The following DOCK3 variants were observed in gnomAD, a reference collection of about 807,000 sequenced individuals.
The protein encoded by DOCK3 is dedicator of cytokinesis protein 3.
DOCK3 carries 60 observed loss-of-function variants against 265.6 expected under a neutral mutation model. The observed-to-expected ratio is 0.23, with a 90% CI of 0.18 to 0.28. The LOEUF (loss-of-function observed/expected upper bound fraction) is 0.28. Among genes scored for constraint, DOCK3 ranks in the 10% least tolerant of loss-of-function variants. The probability of loss-of-function intolerance (pLI) is 1.00; values close to 1 mark genes in which losing one functional copy is unlikely to be tolerated. For missense variants in DOCK3, 1,981 were observed against 2,594.3 expected (o/e 0.76, Z 5.14); for synonymous variants, 881 against 938.0 (o/e 0.94, Z 1.11).
At chr3:50,684,177 A>T (rs1208354561) in intron 1 of DOCK3, among the ~76,000 whole-genome samples, 1 of 152,006 alleles carries the variant, frequency 6.6e-6, no homozygotes, top group Non-Finnish European at 1.5e-5. Flanking sequence ...ATAAATAAGC[A>T]TTGCTGCTTC....
chr3:51,068,984 A>T (rs1472735292), intron 6 of DOCK3, among the ~76,000 whole-genome samples: 1 of 152,146 alleles, frequency 6.6e-6, no homozygotes, highest in Non-Finnish European at 1.5e-5. Flanking sequence ...GTTTCCTGAG[A>T]TTAGGAATTA....
chr3:51,299,172 T>C (rs1259868084), intron 27 of DOCK3, among the ~76,000 whole-genome samples: 1 of 152,238 alleles, frequency 6.6e-6, no homozygotes, highest in East Asian at 1.9e-4. Flanking sequence ...TAATGATCAG[T>C]GATGTTCAGC....
intron 4 of DOCK3, among the ~76,000 whole-genome samples, chr3:50,918,094 C>T (rs1418499491): frequency 6.6e-6 from 1 of 152,002 alleles, no homozygotes; most frequent in Non-Finnish European, 1.5e-5. Context: ...TGAACTCATC[C>T]TTTTTTATGG....
At chr3:51,107,760 G>T (rs1030221513) in intron 9 of DOCK3, among the ~76,000 whole-genome samples, 1 of 152,174 alleles carries the variant, frequency 6.6e-6, no homozygotes, top group African/African-American at 2.4e-5. Context: ...CTTGGAAAAC[G>T]TATTTCATTA....
At chr3:51,223,298 T>C (rs1300674809) in intron 14 of DOCK3, among the ~76,000 whole-genome samples, 1 of 152,144 alleles carries the variant, frequency 6.6e-6, no homozygotes, top group Non-Finnish European at 1.5e-5. Flanking sequence ...TTGAAAATGT[T>C]TCATTTGAAG....
At chr3:51,036,977 C>T (rs1036064880) in intron 5 of DOCK3, among the ~76,000 whole-genome samples, 6 of 152,176 alleles carry the variant, frequency 3.9e-5, no homozygotes, top group Non-Finnish European at 5.9e-5. Flanking sequence ...GCTTCCCCAG[C>T]CATGTGGAAC....
chr3:51,182,605 T>C (rs749330734), intron 12 of DOCK3, among the ~76,000 whole-genome samples: 16 of 152,194 alleles, frequency 1.1e-4, no homozygotes, highest in South Asian at 2.1e-4. Context: ...CTTTGAAACC[T>C]TCATATTTCA....
At chr3:51,239,199 T>TTTA (rs112142556) in intron 21 of DOCK3, among the ~76,000 whole-genome samples, 1 of 146,616 alleles carries the variant, frequency 6.8e-6, no homozygotes, top group Non-Finnish European at 1.5e-5. Context: ...AAAGCGTACT[T>TTTA]TTTATTTATT....
intron 1 of DOCK3, among the ~76,000 whole-genome samples, chr3:50,688,734 G>C (rs1441395907): frequency 6.6e-6 from 1 of 152,190 alleles, no homozygotes; most frequent in East Asian, 1.9e-4. Flanking sequence ...AAAGTGCTGG[G>C]ATTACAGGTA....
rs536841982 is a variant in DOCK3, at chr3:51,306,267, C to T, written c.2923-3965C>T. ...ATTTCTGCTGTCTGCCTTCTGGCCT[C>T]CACTATATCTGATGATGTCACCTTT... On this transcript the variant is annotated intron_variant, in intron 27 of 52. Coordinates refer to ENST00000266037, the MANE Select transcript of DOCK3 (RefSeq NM_004947.5). Among the ~76,000 whole-genome samples, 32 of 152,186 alleles carry T rather than the reference C, an allele frequency of 2.1e-4. No individual in the cohort carries two copies. The East Asian group carries it at 5.2e-3, about 25-fold the overall frequency.
intron 4 of DOCK3, among the ~76,000 whole-genome samples, chr3:50,900,381 C>A (rs751302604): frequency 6.6e-5 from 10 of 151,968 alleles, no homozygotes; most frequent in Non-Finnish European, 1.5e-4. Flanking sequence ...TTCTTCTAAC[C>A]TTTTTTCAAG....
chr3:51,050,249 T>C (rs2080941820), intron 5 of DOCK3, among the ~76,000 whole-genome samples: 1 of 151,962 alleles, frequency 6.6e-6, no homozygotes, highest in Non-Finnish European at 1.5e-5. Flanking sequence ...TACCCGGACA[T>C]TATTGTGCAC....
intron 12 of DOCK3, among the ~76,000 whole-genome samples, chr3:51,201,403 C>T (rs1384826428): frequency 6.6e-6 from 1 of 151,908 alleles, no homozygotes; most frequent in East Asian, 1.9e-4. Context: ...GACTTTAAAC[C>T]AACAAAGATC....
chr3:51,182,269 C>CT (rs2087344544), intron 12 of DOCK3, among the ~76,000 whole-genome samples: 1 of 152,170 alleles, frequency 6.6e-6, no homozygotes, highest in Non-Finnish European at 1.5e-5. Flanking sequence ...TTAACAATAT[C>CT]TATCTTGTTG....
At chr3:51,273,246 C>T (rs1010459487) in intron 24 of DOCK3, among the ~76,000 whole-genome samples, 1 of 151,804 alleles carries the variant, frequency 6.6e-6, no homozygotes, top group East Asian at 1.9e-4. Context: ...TACTTTATTT[C>T]TAATATCTCT....
At chr3:51,305,735 C>CGTGTGT (rs113288288) in intron 27 of DOCK3, among the ~76,000 whole-genome samples, 21 of 137,756 alleles carry the variant, frequency 1.5e-4, no homozygotes, top group Non-Finnish European at 2.7e-4. Flanking sequence ...TGTGTGTGCG[C>CGTGTGT]GTGTGTGTGT....
chr3:51,253,428 C>G (rs1466047187), intron 22 of DOCK3, among the ~76,000 whole-genome samples: 1 of 152,154 alleles, frequency 6.6e-6, no homozygotes, highest in Non-Finnish European at 1.5e-5. Context: ...GGAATAGTTT[C>G]AGAAGGAGTG....
intron 26 of DOCK3, among the ~76,000 whole-genome samples, chr3:51,279,445 G>C (rs1248070936): frequency 6.6e-6 from 1 of 152,128 alleles, no homozygotes; most frequent in Non-Finnish European, 1.5e-5. Context: ...CTGTAAGATG[G>C]TTTTTGAAGT....
chr3:51,042,413 AG>A (rs1222847073), intron 5 of DOCK3, among the ~76,000 whole-genome samples: 1 of 152,236 alleles, frequency 6.6e-6, no homozygotes, highest in Non-Finnish European at 1.5e-5. Flanking sequence ...TCAATAAACT[AG>A]GTATTGAAAG....
Sources: gnomAD v4.1 joint callset for allele counts (sites outside exome capture counted in the v4.1 genomes callset) on GRCh38, gnomAD v4.1.1 for gene constraint, MANE v1.5 for transcripts, NCBI Gene and HGNC (gene_info 2026-07-23, HGNC 2026-07-21) for gene names.